The following VPS13D variants were observed in gnomAD, a reference collection of about 807,000 sequenced individuals.
VPS13D encodes the protein intermembrane lipid transfer protein VPS13D.
In VPS13D, 187 loss-of-function variants were observed where a neutral mutation model predicts 461.9. That is an observed-to-expected ratio of 0.40 (90% confidence interval 0.36 to 0.46). VPS13D has a LOEUF of 0.46. Among genes scored for constraint, VPS13D ranks in the 20% least tolerant of loss-of-function variants. VPS13D has a pLI of 0.60. For synonymous variants in VPS13D, 1,951 were observed against 1,986.3 expected, an observed-to-expected ratio of 0.98 and a Z score of 0.47; for missense variants, 4,711 against 5,364.9, an observed-to-expected ratio of 0.88 and a Z score of 3.81.
At chr1:12,252,672 T>C (rs1640773167) in intron 6 of VPS13D, among the ~76,000 whole-genome samples, 1 of 151,206 alleles carries the variant, frequency 6.6e-6, no homozygotes, top group Non-Finnish European at 1.5e-5. Context: ...CTTGGGAGGC[T>C]GAGGCAGGAG....
chr1:12,367,518 T>C (rs1557736296), intron 52 of VPS13D, among the ~76,000 whole-genome samples: 1 of 152,100 alleles, frequency 6.6e-6, no homozygotes, highest in African/African-American at 2.4e-5. Flanking sequence ...GTTTAATGGT[T>C]CTTGAATCAC....
At chr1:12,265,254 C>T (rs1217577332) in intron 13 of VPS13D, among the ~76,000 whole-genome samples, 3 of 152,072 alleles carry the variant, frequency 2.0e-5, no homozygotes, top group Non-Finnish European at 4.4e-5. Context: ...ATTCTGCAGC[C>T]CATGGATCCA....
chr1:12,326,320 G>GCTTTTTT (rs1373395284), intron 35 of VPS13D, among the ~76,000 whole-genome samples: 1 of 116,736 alleles, frequency 8.6e-6, no homozygotes, highest in Non-Finnish European at 1.8e-5. Context: ...GAACCTTTTG[G>GCTTTTTT]ATTTTTTTTT....
chr1:12,278,355 C>G (rs1387440753), intron 19 of VPS13D, among the ~76,000 whole-genome samples: 1 of 152,182 alleles, frequency 6.6e-6, no homozygotes, highest in African/African-American at 2.4e-5. Flanking sequence ...ACTGCAACCT[C>G]TACCTCCCAG....
chr1:12,419,002 T>A (rs1447127605), intron 65 of VPS13D, among the ~76,000 whole-genome samples: 4 of 152,140 alleles, frequency 2.6e-5, no homozygotes, highest in Non-Finnish European at 5.9e-5. Context: ...TTATTCTCCT[T>A]GGTTTGTGGA....
intron 46 of VPS13D, among the ~76,000 whole-genome samples, chr1:12,349,823 C>T (rs1245604093): frequency 2.0e-5 from 3 of 152,100 alleles, no homozygotes; most frequent in African/African-American, 7.2e-5. Context: ...AATTGCCTAA[C>T]CATTTAAACT....
intron 65 of VPS13D, among the ~76,000 whole-genome samples, chr1:12,427,240 A>ATTT (rs765771679): frequency 2.2e-5 from 3 of 137,780 alleles, no homozygotes; most frequent in Admixed American, 1.5e-4. Context: ...TATTGTCATT[A>ATTT]TTTTATTATT....
chr1:12,444,455 T>C (rs1645168830), intron 65 of VPS13D, among the ~76,000 whole-genome samples: 2 of 152,208 alleles, frequency 1.3e-5, no homozygotes, highest in African/African-American at 4.8e-5. Context: ...TCACTTTAAA[T>C]ATTGTTTCTG....
intron 24 of VPS13D, among the ~76,000 whole-genome samples, chr1:12,294,413 A>G (rs1642217477): frequency 6.6e-6 from 1 of 152,232 alleles, no homozygotes; most frequent in Non-Finnish European, 1.5e-5. Context: ...CGCAAAGATA[A>G]TACCTTACTG....
Position 12,285,696 on chromosome 1 carries a change from A to G in VPS13D, c.5634+1960A>G, listed in dbSNP as rs545242933. On this transcript the variant is annotated intron_variant, in intron 21 of 69. Coordinates refer to ENST00000620676, the MANE Select transcript of VPS13D (RefSeq NM_015378.4). ...CATACCACAATGCATTGTCACGTCCAACTAACAAGAATTCCTTGGTATTTT... is the reference window on the plus strand; with the variant it reads ...CATACCACAATGCATTGTCACGTCCGACTAACAAGAATTCCTTGGTATTTT... Among the ~76,000 whole-genome samples the G allele has an allele frequency of 1.7e-3, 266 of 152,350 alleles. 1 individual carries two copies. Among genetic ancestry groups the G allele is most frequent in the African/African-American group, 5.9e-3 (245 of 41,574 alleles).
chr1:12,494,484 C>G (rs570910578), intron 67 of VPS13D, among the ~76,000 whole-genome samples: 19 of 152,150 alleles, frequency 1.2e-4, no homozygotes, highest in Admixed American at 3.3e-4. Flanking sequence ...GCCCTTTACT[C>G]CCATTCTCAA....
chr1:12,331,896 T>C (rs28533750), intron 37 of VPS13D, among the ~76,000 whole-genome samples: 10,151 of 152,132 alleles, frequency 0.067, 549 homozygotes, highest in Admixed American at 0.13. Context: ...GTCTAATGTA[T>C]CTACTGTGTG....
At chr1:12,463,959 A>G (rs1308019401) in intron 67 of VPS13D, among the ~76,000 whole-genome samples, 1 of 152,200 alleles carries the variant, frequency 6.6e-6, no homozygotes, top group Non-Finnish European at 1.5e-5. Context: ...TTAATGTGGA[A>G]GCTATAAAGA....
intron 17 of VPS13D, among the ~76,000 whole-genome samples, 200 bp from the exon 18 acceptor site, chr1:12,272,803 C>G (rs2101342838): frequency 6.6e-6 from 1 of 151,964 alleles, no homozygotes; most frequent in Non-Finnish European, 1.5e-5. Flanking sequence ...TTTTTTCTCC[C>G]CTGTTCAGAT....
intron 29 of VPS13D, among the ~76,000 whole-genome samples, chr1:12,313,044 G>C (rs1257340254): frequency 6.6e-6 from 1 of 152,124 alleles, no homozygotes; most frequent in Non-Finnish European, 1.5e-5. Context: ...TATCAGTCCT[G>C]TAAGCTGGGC....
Position 12,308,609 on chromosome 1 carries a change from G to A in VPS13D, c.6618G>A (p.Arg2206=). The A allele has an allele frequency of 6.2e-7, 1 of 1,613,874 alleles. No homozygotes were observed. The highest frequency in any genetic ancestry group is 2.2e-5 in the East Asian group (1 of 44,870). Residue 2206 remains arginine, a synonymous_variant, in exon 27 of 70, where the codon AGG becomes AGA. Coordinates refer to ENST00000620676, the MANE Select transcript of VPS13D (RefSeq NM_015378.4). ...GAAGCCTCTTAACCGAGCCTTGTAG[G>A]CTGAAATTGCAGGTGGAAAGGAATT... The part of the protein sequence containing the change: ...TGGSLLTEPC[R]LKLQVERNLD...
chr1:12,240,262 A>G (rs954350463), intron 2 of VPS13D, among the ~76,000 whole-genome samples: 2 of 152,008 alleles, frequency 1.3e-5, no homozygotes, highest in African/African-American at 2.4e-5. Context: ...GGAAGCCCAG[A>G]GCTCACCTGC....
intron 2 of VPS13D, among the ~76,000 whole-genome samples, chr1:12,237,666 A>T (rs1640200939): frequency 6.7e-6 from 1 of 149,960 alleles, no homozygotes; most frequent in Non-Finnish European, 1.5e-5. Context: ...AAAAAAAAAT[A>T]AATAAATAAA....
intron 68 of VPS13D, among the ~76,000 whole-genome samples, chr1:12,503,964 A>G (rs1646069825): frequency 6.6e-6 from 1 of 152,128 alleles, no homozygotes; most frequent in Non-Finnish European, 1.5e-5. Context: ...AGGGAACGGA[A>G]GAAGGTGCAG....
Sources: allele counts gnomAD v4.1 joint callset (sites outside exome capture counted in the v4.1 genomes callset), GRCh38; gene constraint gnomAD v4.1.1; transcripts MANE v1.5; gene names NCBI Gene and HGNC (gene_info 2026-07-23, HGNC 2026-07-21).